DIAPH3: variants seen among roughly 807,000 people sequenced by gnomAD.
The protein encoded by DIAPH3 is protein diaphanous homolog 3.
In DIAPH3, 117 loss-of-function variants were observed where a neutral mutation model predicts 144.3. That is an observed-to-expected ratio of 0.81 (90% CI 0.70 to 0.95). The LOEUF (loss-of-function observed/expected upper bound fraction) is 0.95. DIAPH3 is among the 40% of genes least tolerant of loss of function. DIAPH3 has a pLI of 0.00. For missense variants in DIAPH3, 1,421 were observed against 1,412.7 expected (o/e 1.01, Z -0.09); for synonymous variants, 519 against 488.9 (o/e 1.06, Z -0.81).
chr13:60,145,756 T>C (rs960727877), intron 1 of DIAPH3, among the ~76,000 whole-genome samples: 1 of 152,176 alleles, frequency 6.6e-6, no homozygotes, highest in African/African-American at 2.4e-5. Flanking sequence ...TCCTCCTTTT[T>C]TTTTTTAAGT....
chr13:59,810,803 A>G lies in DIAPH3; in HGVS notation c.3148T>C (p.Leu1050=). Residue 1050 remains leucine (L), a synonymous_variant, in exon 25 of 28, where the codon TTA becomes CTA. Coordinates refer to ENST00000400324, the MANE Select transcript of DIAPH3 (RefSeq NM_001042517.2). Reference sequence around the variant, plus strand: ...TAGTACTCACCAGTCTTCATTTCTAATAAACGCTTTTTCTTTTGTTGGCGT... The same window carrying G: ...TAGTACTCACCAGTCTTCATTTCTAGTAAACGCTTTTTCTTTTGTTGGCGT... The part of the protein sequence containing the change: ...LERQQKKKRL[L]EMKTEGDETG... 3 of 1,613,498 alleles carry G rather than the reference A, an allele frequency of 1.9e-6. No individual in the cohort carries two copies. Among genetic ancestry groups the G allele is most frequent in the Non-Finnish European group, 2.5e-6 (3 of 1,179,890 alleles).
intron 20 of DIAPH3, among the ~76,000 whole-genome samples, chr13:59,905,235 C>A (rs1251842940): frequency 6.8e-6 from 1 of 147,774 alleles, no homozygotes; most frequent in Admixed American, 6.9e-5. Context: ...CCCAGCTACT[C>A]GGGAGGCTGA....
At chr13:60,110,426 A>G (rs1012380903) in intron 3 of DIAPH3, among the ~76,000 whole-genome samples, 1 of 152,204 alleles carries the variant, frequency 6.6e-6, no homozygotes, top group Admixed American at 6.5e-5. Context: ...CATTCTCCAC[A>G]GACATAGAAA....
At chr13:59,880,758 T>C (rs1335189970) in intron 20 of DIAPH3, among the ~76,000 whole-genome samples, 2 of 151,942 alleles carry the variant, frequency 1.3e-5, no homozygotes, top group Non-Finnish European at 1.5e-5. Flanking sequence ...AGCCCTATAG[T>C]GAATGAAAAG....
intron 18 of DIAPH3, among the ~76,000 whole-genome samples, chr13:59,918,577 G>T (rs2047351360): frequency 6.6e-6 from 1 of 152,076 alleles, no homozygotes; most frequent in Non-Finnish European, 1.5e-5. Context: ...GGCCAGCTGT[G>T]GGAGCCAAAA....
intron 20 of DIAPH3, among the ~76,000 whole-genome samples, chr13:59,883,718 G>C (rs1217103999): frequency 6.6e-6 from 1 of 152,078 alleles, no homozygotes; most frequent in African/African-American, 2.4e-5. Flanking sequence ...TTACCACTCA[G>C]AGCATCGCAA....
rs2059234212 is a variant in DIAPH3 at position 60,135,035 on chromosome 13, G to A, written c.181-2046C>T. Among the ~76,000 whole-genome samples the A allele has an allele frequency of 2.0e-5, 3 of 151,854 alleles. No individual in the cohort carries two copies. In the South Asian group the frequency reaches 6.2e-4, roughly 32 times the overall value. Reference sequence around the variant, plus strand: ...TACATAAAAGATACAGAAAGTAAAAGGAAAATAAAACTAGACAGGAAAATA... The same window carrying A: ...TACATAAAAGATACAGAAAGTAAAAAGAAAATAAAACTAGACAGGAAAATA... On this transcript the variant is annotated intron_variant, in intron 1 of 27. Transcript: ENST00000400324.
intron 25 of DIAPH3, among the ~76,000 whole-genome samples, chr13:59,793,192 A>C (rs1465899294): frequency 1.3e-5 from 2 of 152,164 alleles, no homozygotes; most frequent in Non-Finnish European, 2.9e-5. Context: ...ATGGCAGAGC[A>C]TGTGGATTTC....
At position 59,732,199 on chromosome 13, in the gene DIAPH3, A is replaced by T. The variant is rs569448738; in HGVS notation, c.3319+41990T>A. Among the ~76,000 whole-genome samples the T allele has an allele frequency of 3.3e-5, 5 of 152,026 alleles. No homozygotes were observed. In the East Asian group the frequency reaches 9.7e-4, roughly 29 times the overall value. ...TGAAAAAAAAAGTTTATTGTTTTCC[A>T]TTCCTTCAAAATTTAGCTCAAATTA... On this transcript the variant is annotated intron_variant, in intron 27 of 27. Transcript: ENST00000400324.
rs765864080 is a variant in DIAPH3 at position 59,774,747 on chromosome 13, TTTTC to T, written c.3236_3239del (p.Arg1079LysfsTer22). The T allele has an allele frequency of 1.2e-6, 2 of 1,614,156 alleles. No homozygotes were observed. Among genetic ancestry groups the T allele is most frequent in the Non-Finnish European group, 8.5e-7 (1 of 1,180,012 alleles). On this transcript the variant is annotated frameshift_variant, in exon 26 of 28. Coordinates refer to ENST00000400324, the MANE Select transcript of DIAPH3 (RefSeq NM_001042517.2). LOFTEE classifies it high-confidence loss of function. ...GTTCACCTTTTGGCATCGGTGTCCT[TTTTC>T]TTCTGTCGCGGAAGGCAGCCCCGGA...
intron 4 of DIAPH3, among the ~76,000 whole-genome samples, chr13:60,048,922 T>C (rs2056206956): frequency 1.3e-5 from 2 of 151,922 alleles, no homozygotes; most frequent in African/African-American, 2.4e-5. Context: ...ACATTGCCCA[T>C]ATTACTCAGC....
At chr13:60,090,855 A>G (rs2057905791) in intron 4 of DIAPH3, among the ~76,000 whole-genome samples, 1 of 152,206 alleles carries the variant, frequency 6.6e-6, no homozygotes, top group South Asian at 2.1e-4. Flanking sequence ...CTGTAATCAC[A>G]CTTTAGATAA....
intron 25 of DIAPH3, among the ~76,000 whole-genome samples, chr13:59,775,283 C>A (rs1320111564): frequency 1.3e-5 from 2 of 152,108 alleles, no homozygotes; most frequent in Non-Finnish European, 2.9e-5. Flanking sequence ...CGCTCTGTCG[C>A]CCAGGCTGGA....
chr13:59,691,379 GAGATC>G (rs1190787250), intron 27 of DIAPH3, among the ~76,000 whole-genome samples: 4 of 152,146 alleles, frequency 2.6e-5, no homozygotes, highest in African/African-American at 7.2e-5. Flanking sequence ...GCTGAACTAT[GAGATC>G]AGATCAAAGA....
At chr13:59,887,161 T>G (rs902631051) in intron 20 of DIAPH3, among the ~76,000 whole-genome samples, 3 of 152,110 alleles carry the variant, frequency 2.0e-5, no homozygotes, top group Admixed American at 6.6e-5. Context: ...ATTATGATTT[T>G]TCTCATAATT....
chr13:59,756,286 T>G (rs2037252969), intron 27 of DIAPH3, among the ~76,000 whole-genome samples: 1 of 152,142 alleles, frequency 6.6e-6, no homozygotes, highest in African/African-American at 2.4e-5. Context: ...TGTAAGCCAT[T>G]TCAAATTCTT....
intron 24 of DIAPH3, among the ~76,000 whole-genome samples, chr13:59,827,851 A>C (rs995303763): frequency 1.3e-5 from 2 of 152,078 alleles, no homozygotes; most frequent in African/African-American, 4.8e-5. Context: ...CTCAATGGAC[A>C]AACATGAACA....
At chr13:60,097,946 G>C (rs1242162369) in intron 3 of DIAPH3, among the ~76,000 whole-genome samples, 1 of 152,094 alleles carries the variant, frequency 6.6e-6, no homozygotes, top group East Asian at 1.9e-4. Context: ...ACTTCTGGGG[G>C]TCACGAAGTC....
At chr13:60,083,911 G>A (rs1204523676) in intron 4 of DIAPH3, among the ~76,000 whole-genome samples, 13 of 2,194 alleles carry the variant, frequency 5.9e-3, no homozygotes. Flanking sequence ...ATGGACAGAT[G>A]GATGGATGGA....
Sources: gnomAD v4.1 joint callset for allele counts (sites outside exome capture counted in the v4.1 genomes callset) on GRCh38, gnomAD v4.1.1 for gene constraint, MANE v1.5 for transcripts, NCBI Gene and HGNC (gene_info 2026-07-23, HGNC 2026-07-21) for gene names.